RAPGEF1: variants seen among roughly 807,000 people sequenced by gnomAD.
The protein encoded by RAPGEF1 is Rap guanine nucleotide exchange factor 1, also known as CRK SH3-binding GNRP.
In RAPGEF1, 33 loss-of-function variants were observed where a neutral mutation model predicts 143.3. The ratio of observed to expected loss-of-function variants is 0.23; its 90% CI spans 0.17 to 0.31. The LOEUF (loss-of-function observed/expected upper bound fraction) is 0.31. Ranked by LOEUF, RAPGEF1 falls within the 10% of genes least tolerant of loss-of-function variation. The pLI, the probability that RAPGEF1 is intolerant of heterozygous loss-of-function variation, is 1.00. For missense variants in RAPGEF1, 1,199 were observed against 1,645.4 expected (o/e 0.73, Z 4.69); for synonymous variants, 629 against 676.5 (o/e 0.93, Z 1.09).
Position 131,583,079 on chromosome 9 carries a change from C to T in RAPGEF1, c.3415-377G>A, listed in dbSNP as rs1952127552. Among the ~76,000 whole-genome samples the T allele has an allele frequency of 6.6e-6, 1 of 152,188 alleles. No individual in the cohort carries two copies. The highest frequency in any genetic ancestry group is 1.5e-5 in the Non-Finnish European group (1 of 68,024). On this transcript the variant is annotated intron_variant, in intron 24 of 26. Transcript: ENST00000683357. This position sits in a 1 kb window ranked among gnomAD's most constrained non-coding sequence, Gnocchi z 4.7. Reference sequence around the variant, plus strand: ...AGCTTCCCAGGCACACACTGAGTGGCGTCACTCCTGACTCGGAGCTGCCTT... The same window carrying T: ...AGCTTCCCAGGCACACACTGAGTGGTGTCACTCCTGACTCGGAGCTGCCTT...
rs372066565 is a variant in RAPGEF1 at position 131,628,500 on chromosome 9, C to T, written c.1017+49G>A. ...AGCTTCAGGAGCCACATCCCTGAGC[C>T]CCCCACCCCCTCCCTGCCTTCCCAT... is the stretch of plus-strand genomic sequence containing the variant. On this transcript the variant is annotated intron_variant, in intron 8 of 26. Transcript: ENST00000683357. The surrounding 1 kb of genome is among the most constrained non-coding windows in gnomAD (Gnocchi z 5.7). 335 of 1,598,348 alleles carry T rather than the reference C, an allele frequency of 2.1e-4. 1 individual carries two copies. The highest frequency in any genetic ancestry group is 6.7e-4 in the South Asian group (60 of 90,210).
At chr9:131,602,281 T>A in intron 14 of RAPGEF1, 132 bp from the exon 15 acceptor site, 1 of 609,536 alleles carries the variant, frequency 1.6e-6, no homozygotes, top group Admixed American at 3.0e-5. Flanking sequence ...GTGAACAAAT[T>A]AAAGATGAAT....
At chr9:131,648,472 A>G (rs1027215209) in intron 3 of RAPGEF1, among the ~76,000 whole-genome samples, 3 of 152,232 alleles carry the variant, frequency 2.0e-5, no homozygotes, top group Non-Finnish European at 2.9e-5. Context: ...GAACAGTTTC[A>G]TATCAGAATT....
chr9:131,627,075 G>A (rs184161682), intron 9 of RAPGEF1, among the ~76,000 whole-genome samples: 259 of 152,148 alleles, frequency 1.7e-3, no homozygotes, highest in Non-Finnish European at 2.2e-3. Flanking sequence ...TTAGCCGGGC[G>A]TGGTGGCACA....
At chr9:131,663,671 A>T (rs1171980421) in intron 1 of RAPGEF1, among the ~76,000 whole-genome samples, 1 of 152,152 alleles carries the variant, frequency 6.6e-6, no homozygotes, top group Non-Finnish European at 1.5e-5. Flanking sequence ...CGGGTAATAC[A>T]TGCTTGGTAA....
chr9:131,579,765 G>A (rs1302755163), intron 26 of RAPGEF1, 118 bp from the exon 27 acceptor site: 1 of 1,084,052 alleles, frequency 9.2e-7, no homozygotes, highest in African/African-American at 1.6e-5. Context: ...GCAAACGGAT[G>A]CTGCAGGGGC....
At chr9:131,588,091 G>T in intron 20 of RAPGEF1, 65 bp from the exon 21 acceptor site, 1 of 1,377,970 alleles carries the variant, frequency 7.3e-7, no homozygotes, top group Non-Finnish European at 1.0e-6. Context: ...GGCTGAGCAG[G>T]CCCGGGCTGC....
intron 1 of RAPGEF1, chr9:131,725,127 AT>A (rs1229455457): frequency 6.6e-6 from 1 of 152,152 alleles, no homozygotes; most frequent in Non-Finnish European, 1.5e-5. Context: ...GTACTTAGGT[AT>A]GTATGTATGT....
At chr9:131,592,422 C>A (rs1178491748) in intron 17 of RAPGEF1, among the ~76,000 whole-genome samples, 4 of 152,182 alleles carry the variant, frequency 2.6e-5, no homozygotes, top group African/African-American at 9.7e-5. Flanking sequence ...AGAGGGGAAA[C>A]AGGAAAGGGT....
intron 9 of RAPGEF1, among the ~76,000 whole-genome samples, chr9:131,627,473 GC>G (rs1325672466): frequency 6.6e-6 from 1 of 152,092 alleles, no homozygotes; most frequent in African/African-American, 2.4e-5. Flanking sequence ...TAAGCCCCCT[GC>G]CCAGCAGACT....
intron 1 of RAPGEF1, among the ~76,000 whole-genome samples, chr9:131,674,570 C>G (rs1286589885): frequency 6.6e-6 from 1 of 152,164 alleles, no homozygotes; most frequent in African/African-American, 2.4e-5. Flanking sequence ...AAAACCGTTG[C>G]CCTGCATTGT....
intron 5 of RAPGEF1, among the ~76,000 whole-genome samples, chr9:131,632,818 T>G (rs1486854455): frequency 6.6e-6 from 1 of 152,230 alleles, no homozygotes; most frequent in Non-Finnish European, 1.5e-5. Flanking sequence ...TGAAACACCC[T>G]TTTATCTTGT....
At chr9:131,637,555 T>A (rs1966703124) in intron 5 of RAPGEF1, among the ~76,000 whole-genome samples, 1 of 152,060 alleles carries the variant, frequency 6.6e-6, no homozygotes, top group African/African-American at 2.4e-5. Context: ...GGGAAGGAAT[T>A]TTTTTTGACC....
rs770076381 is a variant in RAPGEF1, at chr9:131,626,058, C to T, written c.1566G>A (p.Ala522=). Reference sequence around the variant, plus strand: ...GAAAGGGCAGAATAGCAGCAAAGGGCGCGTAGGGGACGGATGGGATCGGGG... The same window carrying T: ...GAAAGGGCAGAATAGCAGCAAAGGGTGCGTAGGGGACGGATGGGATCGGGG... ...STAPIPSVPY[A]PFAAILPFQH... is the part of the protein sequence containing the mutation. The change falls in exon 10 of 27, where the codon GCG becomes GCA. Residue 522 remains alanine, a synonymous_variant. Coordinates refer to ENST00000683357, the MANE Select transcript of RAPGEF1 (RefSeq NM_001377935.1). 6.8e-6 allele frequency: 11 copies of T among 1,613,740 alleles called. No individual in the cohort carries two copies. The highest frequency in any genetic ancestry group is 4.4e-5 in the South Asian group (4 of 91,076).
intron 17 of RAPGEF1, among the ~76,000 whole-genome samples, chr9:131,595,125 A>C (rs992206843): frequency 6.6e-6 from 1 of 152,214 alleles, no homozygotes; most frequent in African/African-American, 2.4e-5. Context: ...TCACCCCTTC[A>C]ACAAGTGGAG....
intron 12 of RAPGEF1, among the ~76,000 whole-genome samples, chr9:131,609,078 C>G (rs1957585903): frequency 1.3e-5 from 2 of 152,160 alleles, no homozygotes; most frequent in Admixed American, 1.3e-4. Flanking sequence ...CTGTCTGAGA[C>G]TTGCAAACTT....
At chr9:131,645,712 T>TGCTGAA (rs1969389606) in intron 3 of RAPGEF1, among the ~76,000 whole-genome samples, 1 of 152,242 alleles carries the variant, frequency 6.6e-6, no homozygotes, top group Non-Finnish European at 1.5e-5. Context: ...GCCTTGGCTT[T>TGCTGAA]GCTGAAGCTG....
In RAPGEF1 at chr9:131,680,694, T is replaced by A. The variant is rs550859211; in HGVS notation, c.62-29745A>T. 1.1e-3 allele frequency among the ~76,000 whole-genome samples: 167 copies of A among 152,328 alleles called. 1 individual carries two copies. In the Middle Eastern group the frequency reaches 0.02, roughly 19 times the overall value. ...AGGGATACCTTTAGCTAATTTAGTA[T>A]CTATAGAAACAATGCTAATGACTGG... is the stretch of plus-strand genomic sequence containing the variant. On this transcript the variant is annotated intron_variant, in intron 1 of 26. Transcript: ENST00000683357.
intron 1 of RAPGEF1, among the ~76,000 whole-genome samples, chr9:131,690,857 G>A (rs1339608811): frequency 2.0e-5 from 3 of 152,124 alleles, no homozygotes; most frequent in Non-Finnish European, 4.4e-5. Flanking sequence ...CTCAACACGA[G>A]GTTATCAAGG....
Sources: allele counts gnomAD v4.1 joint callset (sites outside exome capture counted in the v4.1 genomes callset), GRCh38; gene constraint gnomAD v4.1.1; non-coding constraint Gnocchi (gnomAD v3.1); transcripts MANE v1.5; gene names NCBI Gene and HGNC (gene_info 2026-07-23, HGNC 2026-07-21).